The following PDZD8 variants were observed in gnomAD, a reference collection of about 807,000 sequenced individuals.
PDZD8 encodes the protein PDZ domain-containing protein 8.
PDZD8 carries 14 observed loss-of-function variants against 85.8 expected under a neutral mutation model. The observed-to-expected ratio is 0.16, with a 90% confidence interval of 0.11 to 0.26. The LOEUF (loss-of-function observed/expected upper bound fraction) is 0.26. Among genes scored for constraint, PDZD8 ranks in the 10% least tolerant of loss-of-function variants. The probability of loss-of-function intolerance (pLI) is 1.00; values close to 1 mark genes in which losing one functional copy is unlikely to be tolerated. For missense variants in PDZD8, 1,197 were observed against 1,424.3 expected, an observed-to-expected ratio of 0.84 and a Z score of 2.57; for synonymous variants, 592 against 568.6, an observed-to-expected ratio of 1.04 and a Z score of -0.59.
At chr10:117,327,954 C>A (rs2532788) in intron 2 of PDZD8, among the ~76,000 whole-genome samples, 116,874 of 152,044 alleles carry the variant, frequency 0.77, 45,580 homozygotes, top group Non-Finnish European at 0.85. Context: ...GGAAAACACC[C>A]ACAAGCATTA....
At chr10:117,339,715 A>G (rs187801049) in intron 2 of PDZD8, among the ~76,000 whole-genome samples, 14 of 152,360 alleles carry the variant, frequency 9.2e-5, no homozygotes, top group Non-Finnish European at 1.9e-4. Flanking sequence ...GCAGAGTTGT[A>G]TAGTTGCAAC....
At chr10:117,355,570 C>A (rs1447208893) in intron 1 of PDZD8, among the ~76,000 whole-genome samples, 2 of 152,140 alleles carry the variant, frequency 1.3e-5, no homozygotes, top group African/African-American at 4.8e-5. Flanking sequence ...AGCAATATAA[C>A]CTTGAGCAAA....
At chr10:117,351,578 C>T (rs1357449579) in intron 1 of PDZD8, among the ~76,000 whole-genome samples, 1 of 152,146 alleles carries the variant, frequency 6.6e-6, no homozygotes, top group Non-Finnish European at 1.5e-5. Context: ...GTTTTGAATG[C>T]TGATTTCATG....
At position 117,325,294 on chromosome 10, in the gene PDZD8, T is replaced by C. The variant is rs576500470; in HGVS notation, c.996-6320A>G. 1.9e-4 allele frequency among the ~76,000 whole-genome samples: 29 copies of C among 152,160 alleles called. 1 individual carries two copies. In the South Asian group the frequency reaches 5.6e-3, roughly 29 times the overall value. On this transcript the variant is annotated intron_variant, in intron 2 of 4. Coordinates refer to ENST00000334464, the MANE Select transcript of PDZD8 (RefSeq NM_173791.5). ...ATTCACCATAATCTATTAAGTACTA[T>C]AGGTGACGTTTAATGGTGAGCCCTG... is the stretch of plus-strand genomic sequence containing the variant.
Position 117,375,170 on chromosome 10 carries a change from G to A in PDZD8, c.58C>T (p.Leu20Phe). 2 of 1,582,050 alleles carry A rather than the reference G, an allele frequency of 1.3e-6. No homozygotes were observed. ...CGGTACAGCAGGAAGAACTGGGCGAGGAGCGTGAGGAAGGAACCCAGCACG... is the reference window on the plus strand; with the variant it reads ...CGGTACAGCAGGAAGAACTGGGCGAAGAGCGTGAGGAAGGAACCCAGCACG... ...SAVLGSFLTL[L>F]AQFFLLYRRQ... The change falls in exon 1 of 5, where the codon CTC (leucine) becomes TTC (phenylalanine). Residue 20 changes from leucine (L) to phenylalanine (F), a missense_variant. Physicochemically the swap from Leu to Phe is conservative, Grantham distance 22 (BLOSUM62 0). Coordinates refer to ENST00000334464, the MANE Select transcript of PDZD8 (RefSeq NM_173791.5).
rs1170254143 is a variant in PDZD8 at position 117,279,375 on chromosome 10, CTAAGTG to C, written c.*3887_*3892del. ...CAATGAATATTCAACTGTTTGACTG[CTAAGTG>C]TATCTGTCCATATTTTAGCAAGTTT... is the stretch of plus-strand genomic sequence containing the variant. On this transcript the variant is annotated 3_prime_UTR_variant, in exon 5 of 5. Coordinates refer to ENST00000334464, the MANE Select transcript of PDZD8 (RefSeq NM_173791.5). The C allele has an allele frequency of 1.3e-5, 2 of 152,094 alleles. No homozygotes were observed. Among genetic ancestry groups the C allele is most frequent in the Admixed American group, 1.3e-4 (2 of 15,264 alleles). 9.4% of individuals were successfully genotyped at this position (152,094 alleles called of 1,614,324 possible). A position where few individuals can be genotyped will look rare whatever the true frequency, so the allele number is the denominator to read the frequency against.
rs1365827457 is a variant in PDZD8 at position 117,282,544 on chromosome 10, G to A, written c.*724C>T. 2.6e-5 allele frequency: 4 copies of A among 152,066 alleles called. No homozygotes were observed. The highest frequency in any genetic ancestry group is 5.9e-5 in the Non-Finnish European group (4 of 68,020). The allele number at this position is 152,066 out of a possible 1,614,324, so 9.4% of individuals were successfully genotyped here. A position where few individuals can be genotyped will look rare whatever the true frequency, so the allele number is the denominator to read the frequency against. ...ATTTCCTATTACATTGTCTTTCAATGTAAGCTCTTCAAATTAATCACCATA... is the reference window on the plus strand; with the variant it reads ...ATTTCCTATTACATTGTCTTTCAATATAAGCTCTTCAAATTAATCACCATA... On this transcript the variant is annotated 3_prime_UTR_variant, in exon 5 of 5. Transcript: ENST00000334464.
intron 2 of PDZD8, among the ~76,000 whole-genome samples, chr10:117,322,149 C>A (rs1271026975): frequency 2.0e-5 from 3 of 152,152 alleles, no homozygotes; most frequent in Non-Finnish European, 4.4e-5. Flanking sequence ...TTGTACTGAG[C>A]TCCTTCCTGT....
rs1844523330 is a variant in PDZD8, at chr10:117,277,987, A to G, written c.*5281T>C. 6.6e-6 allele frequency: 1 copy of G among 152,226 alleles called. No individual in the cohort carries two copies. The highest frequency in any genetic ancestry group is 1.5e-5 in the Non-Finnish European group (1 of 68,042). The allele number at this position is 152,226 out of a possible 1,614,324, so 9.4% of individuals were successfully genotyped here. ...CAGTAAATGTTCCGAAAGCAGAGAA[A>G]AGCAACCAAACATATTGTTATGAAC... On this transcript the variant is annotated 3_prime_UTR_variant, in exon 5 of 5. Transcript: ENST00000334464.
At chr10:117,338,910 T>C (rs564333239) in intron 2 of PDZD8, among the ~76,000 whole-genome samples, 2 of 152,248 alleles carry the variant, frequency 1.3e-5, no homozygotes, top group South Asian at 4.1e-4. Flanking sequence ...AGACATATAA[T>C]CAATACCTAA....
chr10:117,290,363 A>G lies in PDZD8; in HGVS notation c.1099-15T>C, dbSNP rs199669387. 2.0e-3 allele frequency: 3,169 copies of G among 1,562,502 alleles called. 3 individuals carry two copies. Among genetic ancestry groups the G allele is most frequent in the Non-Finnish European group, 2.5e-3 (2,819 of 1,143,956 alleles). The stretch of plus-strand genomic sequence containing the variant: ...ATTAATTCAACCTTTGATAAAGGGG[A>G]AAAAAATGAAAACTGATTCAATGGA... On this transcript the variant is annotated splice_polypyrimidine_tract_variant and intron_variant, in intron 3 of 4. Transcript: ENST00000334464.
chr10:117,303,288 C>A (rs549256913), intron 3 of PDZD8, among the ~76,000 whole-genome samples: 1 of 152,184 alleles, frequency 6.6e-6, no homozygotes. Flanking sequence ...AGCAAAGAGA[C>A]TGGCAGCATT....
At chr10:117,343,526 C>T (rs1266704496) in intron 1 of PDZD8, among the ~76,000 whole-genome samples, 2 of 150,266 alleles carry the variant, frequency 1.3e-5, no homozygotes, top group African/African-American at 4.9e-5. Flanking sequence ...AAACATATAA[C>T]TGTTAGTTTG....
At chr10:117,334,318 G>C (rs1313375126) in intron 2 of PDZD8, among the ~76,000 whole-genome samples, 1 of 152,088 alleles carries the variant, frequency 6.6e-6, no homozygotes, top group Non-Finnish European at 1.5e-5. Context: ...ACTAGCCTAA[G>C]CAACAGGATA....
intron 3 of PDZD8, among the ~76,000 whole-genome samples, chr10:117,302,609 T>C (rs1843864613): frequency 1.3e-5 from 2 of 152,144 alleles, no homozygotes; most frequent in Admixed American, 1.3e-4. Context: ...ATGACAAAAA[T>C]TATATATGCA....
chr10:117,289,150 G>T (rs1039114688), intron 4 of PDZD8, among the ~76,000 whole-genome samples: 5 of 152,140 alleles, frequency 3.3e-5, no homozygotes, highest in Admixed American at 3.3e-4. Flanking sequence ...TTAACATCAG[G>T]TCTGGGTGAC....
chr10:117,373,613 A>C (rs1451799954), intron 1 of PDZD8, among the ~76,000 whole-genome samples: 1 of 147,320 alleles, frequency 6.8e-6, no homozygotes, highest in Non-Finnish European at 1.5e-5. Context: ...ACAAAAAAAA[A>C]AAAAAAAAAA....
At chr10:117,311,374 C>T (rs1844033361) in intron 3 of PDZD8, among the ~76,000 whole-genome samples, 3 of 152,044 alleles carry the variant, frequency 2.0e-5, no homozygotes, top group Admixed American at 6.6e-5. Context: ...AAAAGTCACG[C>T]TAAAACTTTG....
At position 117,290,641 on chromosome 10, in the gene PDZD8, A is replaced by G. The variant is rs1053136443; in HGVS notation, c.1099-293T>C. Reference sequence around the variant, plus strand: ...GGGAAATAAACAGAAAGGCAAAATAAAAAGAAAACCATTCCTAATTATACA... The same window carrying G: ...GGGAAATAAACAGAAAGGCAAAATAGAAAGAAAACCATTCCTAATTATACA... On this transcript the variant is annotated intron_variant, in intron 3 of 4. Coordinates refer to ENST00000334464, the MANE Select transcript of PDZD8 (RefSeq NM_173791.5). 1.3e-4 allele frequency among the ~76,000 whole-genome samples: 20 copies of G among 152,238 alleles called. No homozygotes were observed. The East Asian group carries it at 3.7e-3, about 28-fold the overall frequency.
Sources: gnomAD v4.1 joint callset for allele counts (sites outside exome capture counted in the v4.1 genomes callset) on GRCh38, gnomAD v4.1.1 for gene constraint, MANE v1.5 for transcripts, NCBI Gene and HGNC (gene_info 2026-07-23, HGNC 2026-07-21) for gene names.